The following SOX6 variants were observed in gnomAD, a reference collection of about 807,000 sequenced individuals.
SOX6 encodes SRY-box transcription factor 6, also known as transcription factor SOX-6.
In SOX6, 11 loss-of-function variants were observed where a neutral mutation model predicts 97.8. The ratio of observed to expected loss-of-function variants is 0.11; its 90% CI spans 0.07 to 0.19. The LOEUF (loss-of-function observed/expected upper bound fraction) is 0.19, where lower values mean the gene tolerates loss of function less well. Ranked by LOEUF, SOX6 falls within the 10% of genes least tolerant of loss-of-function variation. SOX6 has a pLI of 1.00. For missense variants in SOX6, 810 were observed against 1,039.5 expected (o/e 0.78, Z 3.04); for synonymous variants, 360 against 371.4 (o/e 0.97, Z 0.35).
chr11:16,130,716 T>C (rs572808518), intron 6 of SOX6, among the ~76,000 whole-genome samples: 2 of 152,088 alleles, frequency 1.3e-5, no homozygotes, highest in African/African-American at 4.8e-5. Context: ...TATAGTAAGA[T>C]GTCAAAACTT....
At chr11:16,081,854 A>G (rs1848478751) in intron 9 of SOX6, among the ~76,000 whole-genome samples, 1 of 152,206 alleles carries the variant, frequency 6.6e-6, no homozygotes. Context: ...AACATATCTC[A>G]TGATGTAAAC....
upstream of SOX6, among the ~76,000 whole-genome samples, chr11:16,357,380 T>A (rs1857101999): frequency 6.6e-6 from 1 of 152,092 alleles, no homozygotes; most frequent in Admixed American, 6.6e-5. Flanking sequence ...TGCGGGAGAA[T>A]TAAGGAAGAG....
intron 3 of SOX6, among the ~76,000 whole-genome samples, chr11:16,636,248 A>G (rs760356043): frequency 2.0e-5 from 3 of 152,182 alleles, no homozygotes; most frequent in Non-Finnish European, 4.4e-5. Context: ...ATGGAAGTCC[A>G]CCTCTTACAT....
chr11:16,285,268 C>T (rs989727388), intron 3 of SOX6, among the ~76,000 whole-genome samples: 22 of 152,130 alleles, frequency 1.4e-4, no homozygotes, highest in African/African-American at 5.1e-4. Flanking sequence ...TGCAGTGGCT[C>T]ATGCCTGTAA....
intron 3 of SOX6, among the ~76,000 whole-genome samples, chr11:16,674,621 A>G (rs1175290043): frequency 1.3e-5 from 2 of 152,182 alleles, no homozygotes; most frequent in Non-Finnish European, 2.9e-5. Context: ...TAATCCCAGC[A>G]CTTTGGGAAG....
chr11:16,624,309 T>C lies in SOX6; in HGVS notation n.430-12049A>G, dbSNP rs375225347. ...TTTGAACGATTCTCCTGCCTCAGCC[T>C]CCCAAGTAGCTGGGACTACAAGTGC... On this transcript the variant is annotated intron_variant and non_coding_transcript_variant, in intron 3 of 5. Transcript: ENST00000524520. Among the ~76,000 whole-genome samples the C allele has an allele frequency of 1.5e-4, 23 of 152,096 alleles. No homozygotes were observed. In the South Asian group the frequency reaches 1.7e-3, roughly 11 times the overall value.
rs978357290 is a variant in SOX6 at position 16,332,632 on chromosome 11, A to G, written c.237+8380T>C. ...ATGAAATGCATAAATATTCATTTCT[A>G]ATTTCAACCTGATTGTAAAATTTTA... On this transcript the variant is annotated intron_variant, in intron 2 of 15. Transcript: ENST00000683767. 4.6e-5 allele frequency among the ~76,000 whole-genome samples: 7 copies of G among 152,308 alleles called. 1 individual carries two copies. The highest frequency in any genetic ancestry group is 4.6e-4 in the Admixed American group (7 of 15,290).
chr11:16,732,465 T>A (rs1361499663), intron 2 of SOX6, among the ~76,000 whole-genome samples: 3 of 152,174 alleles, frequency 2.0e-5, no homozygotes, highest in Non-Finnish European at 4.4e-5. Flanking sequence ...TTGACGAACC[T>A]GACACAAACA....
intron 7 of SOX6, among the ~76,000 whole-genome samples, chr11:16,102,968 A>G (rs1019966697): frequency 6.6e-6 from 1 of 152,078 alleles, no homozygotes; most frequent in African/African-American, 2.4e-5. Context: ...TGGCTTAGGC[A>G]AAGAATTCAT....
chr11:16,368,116 T>A (rs1857404465), intron 1 of SOX6, among the ~76,000 whole-genome samples: 1 of 152,134 alleles, frequency 6.6e-6, no homozygotes, highest in Non-Finnish European at 1.5e-5. Flanking sequence ...CACGAAATAA[T>A]TCTTCAATTG....
chr11:16,405,552 C>T (rs2133048971), intron 1 of SOX6, among the ~76,000 whole-genome samples: 1 of 152,062 alleles, frequency 6.6e-6, no homozygotes, highest in Non-Finnish European at 1.5e-5. Context: ...TTTTATATAA[C>T]CACTAAAAGG....
chr11:16,208,745 G>T (rs1325906486), intron 4 of SOX6, among the ~76,000 whole-genome samples: 2 of 152,144 alleles, frequency 1.3e-5, no homozygotes, highest in African/African-American at 4.8e-5. Flanking sequence ...TCAACATTTG[G>T]AAGTTCTATA....
chr11:16,422,026 G>T (rs1259295984), intron 1 of SOX6, among the ~76,000 whole-genome samples: 1 of 152,126 alleles, frequency 6.6e-6, no homozygotes. Context: ...TGCTATGTAG[G>T]ACTTGGCAGC....
At chr11:16,198,638 A>G (rs1851854690) in intron 4 of SOX6, among the ~76,000 whole-genome samples, 1 of 152,198 alleles carries the variant, frequency 6.6e-6, no homozygotes, top group African/African-American at 2.4e-5. Flanking sequence ...AGTGGTGGAC[A>G]TCACCTTTTG....
intron 6 of SOX6, among the ~76,000 whole-genome samples, chr11:16,141,899 C>T (rs554297518): frequency 6.6e-6 from 1 of 152,226 alleles, no homozygotes; most frequent in Admixed American, 6.5e-5. Flanking sequence ...AGGAGGCCTG[C>T]CTGCCTCTGT....
chr11:16,374,617 C>T (rs1307970529), intron 1 of SOX6, among the ~76,000 whole-genome samples: 2 of 151,976 alleles, frequency 1.3e-5, no homozygotes, highest in African/African-American at 4.8e-5. Context: ...CAATATGATT[C>T]AAATACTTTA....
intron 9 of SOX6, among the ~76,000 whole-genome samples, chr11:16,057,712 G>T (rs11023838): frequency 1.3e-5 from 2 of 152,124 alleles, no homozygotes; most frequent in African/African-American, 4.8e-5. Flanking sequence ...GTGAATGTGA[G>T]ATTAATTATT....
chr11:16,594,684 C>CTGTTTTTTTTTTT (rs1848191108), intron 4 of SOX6, among the ~76,000 whole-genome samples: 1 of 68,266 alleles, frequency 1.5e-5, no homozygotes, highest in African/African-American at 6.2e-5. Flanking sequence ...TCGGTTTTTG[C>CTGTTTTTTTTTTT]TTTTTTTTTT....
chr11:16,506,711 G>A (rs1263891930), intron 4 of SOX6, among the ~76,000 whole-genome samples: 1 of 152,164 alleles, frequency 6.6e-6, no homozygotes, highest in Non-Finnish European at 1.5e-5. Context: ...AAATCATGGG[G>A]ATGGATTTCC....
Sources: gnomAD v4.1 joint callset for allele counts (sites outside exome capture counted in the v4.1 genomes callset) on GRCh38, gnomAD v4.1.1 for gene constraint, MANE v1.5 for transcripts, NCBI Gene and HGNC (gene_info 2026-07-23, HGNC 2026-07-21) for gene names.